The following CACNB2 variants were observed in gnomAD, a reference collection of about 807,000 sequenced individuals.
The protein encoded by CACNB2 is voltage-dependent L-type calcium channel subunit beta-2.
In CACNB2, 42 loss-of-function variants were observed where a neutral mutation model predicts 73.3. The observed-to-expected ratio is 0.57, with a 90% CI of 0.45 to 0.74. The LOEUF (loss-of-function observed/expected upper bound fraction) is 0.74, where lower values mean the gene tolerates loss of function less well. Among genes scored for constraint, CACNB2 ranks in the 30% least tolerant of loss-of-function variants. The pLI, the probability that CACNB2 is intolerant of heterozygous loss-of-function variation, is 0.00. For missense variants in CACNB2, 940 were observed against 853.0 expected, an observed-to-expected ratio of 1.10 and a Z score of -1.27; for synonymous variants, 348 against 310.3, an observed-to-expected ratio of 1.12 and a Z score of -1.28.
At chr10:18,426,233 A>G (rs1354113887) in intron 3 of CACNB2, among the ~76,000 whole-genome samples, 1 of 152,220 alleles carries the variant, frequency 6.6e-6, no homozygotes, top group Non-Finnish European at 1.5e-5. Flanking sequence ...ATATTGAGTC[A>G]TCTTACCCAT....
intron 2 of CACNB2, among the ~76,000 whole-genome samples, chr10:18,259,027 G>T (rs1174291857): frequency 6.6e-6 from 1 of 151,614 alleles, no homozygotes; most frequent in Non-Finnish European, 1.5e-5. Context: ...TTTTCCTTTT[G>T]GACCTTCAAA....
In CACNB2 at chr10:18,538,258, T is replaced by G. The variant is rs1473045264; in HGVS notation, c.1381T>G (p.Trp461Gly). The G allele has an allele frequency of 6.2e-6, 10 of 1,613,922 alleles. No individual in the cohort carries two copies. Among genetic ancestry groups the G allele is most frequent in the Non-Finnish European group, 8.5e-6 (10 of 1,179,920 alleles). ...EHLADYLEAY[W>G]KATHPPSSSL... Reference sequence around the variant, plus strand: ...CCTTGCCGACTATCTGGAGGCCTACTGGAAGGCCACCCATCCTCCCAGCAG... The same window carrying G: ...CCTTGCCGACTATCTGGAGGCCTACGGGAAGGCCACCCATCCTCCCAGCAG... Residue 461 changes from tryptophan to glycine, a missense_variant, in exon 13 of 14, where the codon TGG (tryptophan) becomes GGG (glycine). By Grantham distance (184) the Trp-to-Gly change is radical (BLOSUM62 -2). Coordinates refer to ENST00000324631, the MANE Select transcript of CACNB2 (RefSeq NM_201596.3).
intron 2 of CACNB2, among the ~76,000 whole-genome samples, chr10:18,358,741 T>A (rs1446085496): frequency 6.6e-6 from 1 of 152,106 alleles, no homozygotes; most frequent in African/African-American, 2.4e-5. Flanking sequence ...TGGAAGGAAT[T>A]CAGTTTGATG....
intron 2 of CACNB2, among the ~76,000 whole-genome samples, chr10:18,336,583 C>T (rs571870206): frequency 2.1e-4 from 32 of 151,976 alleles, no homozygotes; most frequent in Middle Eastern, 3.4e-3. Context: ...CATGCCACTG[C>T]ACTCCAGCCT....
At chr10:18,226,010 A>ATTTTC (rs761871384) in intron 2 of CACNB2, among the ~76,000 whole-genome samples, 8 of 146,828 alleles carry the variant, frequency 5.4e-5, no homozygotes, top group East Asian at 2.0e-4. Flanking sequence ...CTTTTTTTTA[A>ATTTTC]TTTTCTTTTC....
intron 2 of CACNB2, among the ~76,000 whole-genome samples, chr10:18,159,393 G>A (rs11012838): frequency 0.14 from 21,975 of 152,176 alleles, 1,708 homozygotes; most frequent in South Asian, 0.17. Context: ...AAGCGCCATT[G>A]TTCTTTGGGG....
intron 3 of CACNB2, among the ~76,000 whole-genome samples, chr10:18,444,795 G>C (rs921016912): frequency 6.6e-6 from 1 of 152,202 alleles, no homozygotes; most frequent in African/African-American, 2.4e-5. Flanking sequence ...CCATTTCATA[G>C]AGAGGGTAAA....
intron 2 of CACNB2, among the ~76,000 whole-genome samples, chr10:18,353,371 C>A (rs949451689): frequency 1.3e-5 from 2 of 151,340 alleles, no homozygotes; most frequent in Non-Finnish European, 2.9e-5. Flanking sequence ...GATTGTGCTG[C>A]TGCACTCTAG....
chr10:18,359,682 C>G (rs1326147248), intron 2 of CACNB2, among the ~76,000 whole-genome samples: 2 of 151,768 alleles, frequency 1.3e-5, no homozygotes, highest in Non-Finnish European at 2.9e-5. Context: ...TATACATATG[C>G]CATGGTGGCT....
chr10:18,436,678 C>T (rs1178735936), intron 3 of CACNB2, among the ~76,000 whole-genome samples: 3 of 152,182 alleles, frequency 2.0e-5, no homozygotes, highest in African/African-American at 7.2e-5. Context: ...TTTATACCTA[C>T]AAAATGTTAC....
chr10:18,422,754 C>A (rs934360016), intron 3 of CACNB2, among the ~76,000 whole-genome samples: 3 of 152,152 alleles, frequency 2.0e-5, no homozygotes, highest in Non-Finnish European at 2.9e-5. Flanking sequence ...AGTATGAGTG[C>A]AATGGCGGAT....
chr10:18,321,102 A>C (rs772422642), intron 2 of CACNB2, among the ~76,000 whole-genome samples: 5 of 152,202 alleles, frequency 3.3e-5, no homozygotes, highest in Non-Finnish European at 5.9e-5. Context: ...TTAGAAACAG[A>C]GAATTGAGAA....
chr10:18,293,703 A>G (rs1484377226), intron 2 of CACNB2, among the ~76,000 whole-genome samples: 2 of 152,232 alleles, frequency 1.3e-5, no homozygotes, highest in African/African-American at 2.4e-5. Context: ...TGTATCCCAC[A>G]CTATTACAAA....
In CACNB2 at chr10:18,261,519, C is replaced by T. The variant is rs573250660; in HGVS notation, c.213+110544C>T. 3.9e-5 allele frequency among the ~76,000 whole-genome samples: 6 copies of T among 152,242 alleles called. No individual in the cohort carries two copies. The East Asian group carries it at 9.7e-4, about 24-fold the overall frequency. ...TATTTTTTCCCAGAGATGTTTTTAT[C>T]TGTCTTTTGTGCCTTGTGACTTTGA... On this transcript the variant is annotated intron_variant, in intron 2 of 13. Coordinates refer to ENST00000324631, the MANE Select transcript of CACNB2 (RefSeq NM_201596.3).
chr10:18,253,014 G>A (rs751422814), intron 2 of CACNB2, among the ~76,000 whole-genome samples: 2 of 152,190 alleles, frequency 1.3e-5, no homozygotes, highest in East Asian at 1.9e-4. Context: ...AAAGCCATGG[G>A]CTCAGGAGTC....
intron 1 of CACNB2, 47 bp from the exon 2 acceptor site, chr10:18,150,836 T>G: frequency 8.1e-7 from 1 of 1,228,604 alleles, no homozygotes; most frequent in Non-Finnish European, 1.1e-6. Flanking sequence ...TTAAAGGGTC[T>G]CATAATAATC....
intron 2 of CACNB2, among the ~76,000 whole-genome samples, chr10:18,265,826 T>G (rs1311254444): frequency 6.6e-6 from 1 of 152,206 alleles, no homozygotes; most frequent in African/African-American, 2.4e-5. Flanking sequence ...GAGTAGTTAT[T>G]GTGATAGGAG....
chr10:18,146,484 T>G (rs559591439), intron 1 of CACNB2, among the ~76,000 whole-genome samples: 104 of 151,462 alleles, frequency 6.9e-4, no homozygotes, highest in Non-Finnish European at 1.2e-3. Context: ...TAATTTTTTT[T>G]TTTTGTTTTT....
chr10:18,424,201 G>C (rs7083121), intron 3 of CACNB2, among the ~76,000 whole-genome samples: 25,887 of 152,116 alleles, frequency 0.17, 3,431 homozygotes, highest in African/African-American at 0.37. Context: ...GCCCAGGAAA[G>C]AATTCAAGGG....
Sources: gnomAD v4.1 joint callset for allele counts (sites outside exome capture counted in the v4.1 genomes callset) on GRCh38, gnomAD v4.1.1 for gene constraint, MANE v1.5 for transcripts, NCBI Gene and HGNC (gene_info 2026-07-23, HGNC 2026-07-21) for gene names.